POLR1C: variants seen among roughly 807,000 people sequenced by gnomAD.
POLR1C encodes RNA polymerase I and III subunit C.
Under a neutral mutation model 38.3 loss-of-function variants are expected in POLR1C, and 42 were observed. That is an observed-to-expected ratio of 1.10 (90% CI 0.86 to 1.42). The LOEUF is 1.42. Ranked by LOEUF, POLR1C falls within the 40% of genes most tolerant of loss-of-function variation. POLR1C has a pLI of 0.00. For synonymous variants in POLR1C, 163 were observed against 163.9 expected (o/e 0.99, Z 0.04); for missense variants, 507 against 450.5 (o/e 1.13, Z -1.14).
downstream of POLR1C, chr6:43,531,487 A>G (rs1422417409): frequency 1.9e-6 from 3 of 1,613,554 alleles, no homozygotes; most frequent in South Asian, 1.1e-5. Context: ...ACCAGTTTTC[A>G]TAGAGGGTAG....
In POLR1C at chr6:43,517,310, A is replaced by G; in HGVS notation, c.74A>G (p.His25Arg). The stretch of plus-strand genomic sequence containing the variant: ...AAATTCGTCCCTTTGCTCTAGGTCC[A>G]TACTACTGACTTTCCCGGTAACTAT... ...VLGEFGVRNV[H>R]TTDFPGNYSG... Residue 25 changes from histidine (H) to arginine (R), a missense_variant, in exon 2 of 9, where the codon CAT becomes CGT. His to Arg is a conservative substitution (Grantham distance 29). Transcript: ENST00000642195. The G allele has an allele frequency of 6.2e-7, 1 of 1,614,136 alleles. No individual in the cohort carries two copies. Among genetic ancestry groups the G allele is most frequent in the Non-Finnish European group, 8.5e-7 (1 of 1,179,984 alleles).
At chr6:43,524,894 G>A (rs746382854), downstream of POLR1C, 46 of 1,613,846 alleles carry the variant, frequency 2.9e-5, no homozygotes, top group Non-Finnish European at 3.6e-5. Context: ...CGTGCTGCCC[G>A]TGCATCTGTA....
chr6:43,538,949 G>A lies in POLR1C; in HGVS notation c.*4+9590G>A, dbSNP rs562100872. ...TACAGTCTCCTTCCAGAGGTCGGGG[G>A]TCAGGTAGCTGTAGGTCTTAGAAAT... On this transcript the variant is annotated intron_variant, in intron 9 of 10. Transcript: ENST00000607635. 5.1e-5 allele frequency: 69 copies of A among 1,344,432 alleles called. No homozygotes were observed. The East Asian group carries it at 1.4e-3, about 28-fold the overall frequency. The allele number at this position is 1,344,432 out of a possible 1,614,324, so 83.3% of individuals were successfully genotyped here.
At chr6:43,562,126 G>C in exon 11 of POLR1C, 1 of 657,028 alleles carries the variant, frequency 1.5e-6, no homozygotes. Context: ...GCAATAACTT[G>C]TATGGCACTG....
chr6:43,527,711 T>C (rs1383325643), intron 8 of POLR1C: 1 of 1,613,866 alleles, frequency 6.2e-7, no homozygotes, highest in African/African-American at 1.3e-5. Context: ...TGGGTTTTCA[T>C]CTGCAGCCTC....
chr6:43,535,589 T>C (rs1037076831), intron 9 of POLR1C, among the ~76,000 whole-genome samples: 2 of 151,942 alleles, frequency 1.3e-5, no homozygotes, highest in East Asian at 3.9e-4. Flanking sequence ...GCGCGGTGGA[T>C]CACGAGGTCA....
intron 1 of POLR1C, 29 bp from the exon 2 acceptor site, chr6:43,517,277 T>C (rs1276301213): frequency 1.2e-6 from 2 of 1,607,692 alleles, no homozygotes; most frequent in Non-Finnish European, 8.5e-7. Context: ...CACTGTCCCT[T>C]CGTGGACAAA....
Position 43,520,721 on chromosome 6 carries a change from A to G in POLR1C, c.752A>G (p.Glu251Gly). Reference sequence around the variant, plus strand: ...GAGCCCGTGGAAGGGGAGGCAGCTGAGGAGTTGAGCAGGTGCTTCTCACCT... The same window carrying G: ...GAGCCCGTGGAAGGGGAGGCAGCTGGGGAGTTGAGCAGGTGCTTCTCACCT... ...LLEPVEGEAA[E>G]ELSRCFSPGV... The change falls in exon 7 of 9, where the codon GAG becomes GGG. Residue 251 changes from glutamate (E) to glycine (G), a missense_variant. Transcript: ENST00000642195. 6.2e-7 allele frequency: 1 copy of G among 1,614,100 alleles called. No homozygotes were observed. Among genetic ancestry groups the G allele is most frequent in the Non-Finnish European group, 8.5e-7 (1 of 1,180,008 alleles).
chr6:43,519,918 T>C (rs1793049351), intron 4 of POLR1C, 80 bp downstream of exon 4: 3 of 1,550,540 alleles, frequency 1.9e-6, no homozygotes, highest in South Asian at 1.2e-5. Context: ...AAGTTACTTA[T>C]CTTTGTACAT....
downstream of POLR1C, among the ~76,000 whole-genome samples, chr6:43,522,038 CTGG>C (rs1385993782): frequency 6.6e-6 from 1 of 152,226 alleles, no homozygotes. Flanking sequence ...CACCTATCTC[CTGG>C]TTTACCAGGG....
downstream of POLR1C, chr6:43,533,648 G>A (rs1177022321): frequency 3.8e-6 from 1 of 266,280 alleles, no homozygotes; most frequent in African/African-American, 2.2e-5. Flanking sequence ...ACCAGCCTGG[G>A]CAACATAGCA....
chr6:43,517,954 C>T (rs1792923662), intron 2 of POLR1C, among the ~76,000 whole-genome samples: 1 of 151,896 alleles, frequency 6.6e-6, no homozygotes, highest in South Asian at 2.1e-4. Context: ...TAAATCAGTG[C>T]TTGGGAAAAT....
intron 10 of POLR1C, chr6:43,553,717 GC>G (rs1761852001): frequency 1.0e-6 from 1 of 992,966 alleles, no homozygotes; most frequent in Admixed American, 3.6e-5. Flanking sequence ...TTCCTACCAT[GC>G]CTCCTCCTCC....
Position 43,554,205 on chromosome 6 carries a change from G to A in POLR1C, c.*48+3194G>A, listed in dbSNP as rs574796902. 2.6e-3 allele frequency among the ~76,000 whole-genome samples: 393 copies of A among 151,860 alleles called. 4 individuals are homozygous for A. Among genetic ancestry groups the A allele is most frequent in the Non-Finnish European group, 4.0e-3 (274 of 67,928 alleles). ...CACTGCAACATTAGCCTCCCAGGTTGAAGCAATTCTCCGCCTCAGCCTCCC... is the reference window on the plus strand; with the variant it reads ...CACTGCAACATTAGCCTCCCAGGTTAAAGCAATTCTCCGCCTCAGCCTCCC... On this transcript the variant is annotated intron_variant, in intron 10 of 10. Coordinates refer to the POLR1C transcript ENST00000607635.
chr6:43,546,729 A>C (rs1478681542), intron 9 of POLR1C: 1 of 1,609,064 alleles, frequency 6.2e-7, no homozygotes, highest in East Asian at 2.2e-5. Context: ...CCACACCCAG[A>C]ATGCTGTATA....
chr6:43,529,873 C>T (rs1260353692), downstream of POLR1C, among the ~76,000 whole-genome samples: 1 of 145,282 alleles, frequency 6.9e-6, no homozygotes, highest in African/African-American at 2.6e-5. Context: ...GATGGCACCA[C>T]TGCATTCCTG....
At chr6:43,557,251 C>G (rs767980447) in intron 10 of POLR1C, among the ~76,000 whole-genome samples, 1 of 151,754 alleles carries the variant, frequency 6.6e-6, no homozygotes, top group African/African-American at 2.4e-5. Context: ...ACAGTGAAAC[C>G]CTGTCTCTAC....
downstream of POLR1C, chr6:43,529,626 A>C (rs577339860): frequency 6.0e-6 from 1 of 168,006 alleles, no homozygotes; most frequent in African/African-American, 2.4e-5. Context: ...TGAAGTGTTA[A>C]AACTGCTGCT....
intron 8 of POLR1C, chr6:43,528,752 C>T: frequency 7.2e-7 from 1 of 1,395,908 alleles, no homozygotes; most frequent in South Asian, 1.2e-5. Flanking sequence ...TCTAGGAGCT[C>T]CTGACTTGCA....
Sources: allele counts gnomAD v4.1 joint callset (sites outside exome capture counted in the v4.1 genomes callset), GRCh38; gene constraint gnomAD v4.1.1; transcripts MANE v1.5; gene names NCBI Gene and HGNC (gene_info 2026-07-23, HGNC 2026-07-21).